Variants in LSM14B observed in about 807,000 individuals in gnomAD.
LSM14B encodes LSM family member 14B, also known as protein LSM14 homolog B.
In LSM14B, 8 loss-of-function variants were observed where a neutral mutation model predicts 42.1. That is an observed-to-expected ratio of 0.19 (90% CI 0.11 to 0.34). LSM14B has a LOEUF of 0.34. LSM14B is among the 10% of genes least tolerant of loss of function. The pLI, the probability that LSM14B is intolerant of heterozygous loss-of-function variation, is 1.00. For synonymous variants in LSM14B, 219 were observed against 209.7 expected (o/e 1.04, Z -0.38); for missense variants, 396 against 513.1 (o/e 0.77, Z 2.21).
chr20:62,129,983 C>T (rs1600937440), intron 4 of LSM14B, 31 bp downstream of exon 4: 1 of 1,577,618 alleles, frequency 6.3e-7, no homozygotes, highest in Non-Finnish European at 8.6e-7. Flanking sequence ...CTGGAGTTTG[C>T]TTGATGTTCT....
chr20:62,134,218 CGCT>C lies in LSM14B; in HGVS notation c.*73_*75del. ...TGTGTGTGTCAGGACGCGAGGAAAA[CGCT>C]GCACTTACAGGGAGAGGTGGTCACT... On this transcript the variant is annotated 3_prime_UTR_variant, in exon 9 of 9. Coordinates refer to ENST00000279068, the MANE Select transcript of LSM14B (RefSeq NM_144703.3). 2.1e-6 allele frequency: 1 copy of C among 471,404 alleles called. No homozygotes were observed. Among genetic ancestry groups the C allele is most frequent in the South Asian group, 1.6e-5 (1 of 64,484 alleles). The allele number at this position is 471,404 out of a possible 1,614,324, so 29.2% of individuals were successfully genotyped here.
In LSM14B at chr20:62,134,254, C is replaced by T. The variant is rs1440723304; in HGVS notation, c.*106C>T. On this transcript the variant is annotated 3_prime_UTR_variant, in exon 9 of 9. Transcript: ENST00000279068. ...CAGGGAGAGGTGGTCACTTTGTTTACGGAGTTTGGAAGAGACCCATACTGC... is the reference window on the plus strand; with the variant it reads ...CAGGGAGAGGTGGTCACTTTGTTTATGGAGTTTGGAAGAGACCCATACTGC... The T allele has an allele frequency of 1.1e-5, 5 of 471,660 alleles. No homozygotes were observed. Among genetic ancestry groups the T allele is most frequent in the Admixed American group, 7.0e-5 (3 of 42,554 alleles). The allele number at this position is 471,660 out of a possible 1,614,324, so 29.2% of individuals were successfully genotyped here. A position where few individuals can be genotyped will look rare whatever the true frequency, so the allele number is the denominator to read the frequency against.
At position 62,131,421 on chromosome 20, in the gene LSM14B, G is replaced by T. The variant is rs201083180; in HGVS notation, c.901G>T (p.Ala301Ser). The T allele has an allele frequency of 4.3e-6, 7 of 1,613,640 alleles. No homozygotes were observed. The highest frequency in any genetic ancestry group is 5.1e-6 in the Non-Finnish European group (6 of 1,179,776). ...AVVTQSAEAP[A>S]EEDLLGPNCY... is the part of the protein sequence containing the mutation. ...GGTGACCCAGAGTGCCGAAGCGCCC[G>T]CTGAGGAAGACCTTCTGGGGCCCAA... is the stretch of plus-strand genomic sequence containing the variant. The change falls in exon 7 of 9, where the codon GCT (alanine) becomes TCT (serine). Residue 301 changes from alanine to serine, a missense_variant. Physicochemically the swap from Ala to Ser is moderately conservative, Grantham distance 99 (BLOSUM62 1). Coordinates refer to ENST00000279068, the MANE Select transcript of LSM14B (RefSeq NM_144703.3).
At chr20:62,131,190 G>A (rs921868337) in intron 6 of LSM14B, among the ~76,000 whole-genome samples, 166 bp from the exon 7 acceptor site, 4 of 152,214 alleles carry the variant, frequency 2.6e-5, no homozygotes, top group Non-Finnish European at 5.9e-5. Context: ...ACGGCAGAAC[G>A]AGACCTGTAC....
intron 3 of LSM14B, among the ~76,000 whole-genome samples, chr20:62,128,244 G>A (rs1386728226): frequency 1.3e-5 from 2 of 152,198 alleles, no homozygotes. Flanking sequence ...GCACCTGTGG[G>A]GTTTCTAGAT....
chr20:62,127,227 T>TA (rs2056633184), intron 3 of LSM14B, among the ~76,000 whole-genome samples: 1 of 152,178 alleles, frequency 6.6e-6, no homozygotes, highest in African/African-American at 2.4e-5. Flanking sequence ...TCTCCATATG[T>TA]AGAGAAAGAT....
chr20:62,130,203 C>T lies in LSM14B; in HGVS notation c.596-16C>T. 1 of 1,584,834 alleles carries T rather than the reference C, an allele frequency of 6.3e-7. No individual in the cohort carries two copies. The highest frequency in any genetic ancestry group is 1.2e-5 in the South Asian group (1 of 86,692). On this transcript the variant is annotated splice_polypyrimidine_tract_variant and intron_variant, in intron 4 of 8. Coordinates refer to ENST00000279068, the MANE Select transcript of LSM14B (RefSeq NM_144703.3). The surrounding 1 kb of genome is among the most constrained non-coding windows in gnomAD (Gnocchi z 4.1). Reference sequence around the variant, plus strand: ...GCTATAGGAGCTTTGCCTTACTCTTCCCTTTTGCGCCGTAGATGTAGTCCA... The same window carrying T: ...GCTATAGGAGCTTTGCCTTACTCTTTCCTTTTGCGCCGTAGATGTAGTCCA...
chr20:62,124,574 T>A, intron 1 of LSM14B, 43 bp from the exon 2 acceptor site: 2 of 1,593,304 alleles, frequency 1.3e-6, no homozygotes, highest in South Asian at 2.2e-5. Flanking sequence ...TTGATTGAAC[T>A]GGCTGAGGAC....
chr20:62,123,215 A>AGCCTCGAGGTCGGGTGGCGGGGCC (rs2056462440), intron 1 of LSM14B: 1 of 152,342 alleles, frequency 6.6e-6, no homozygotes, highest in Admixed American at 6.5e-5. Flanking sequence ...CCTGCGGGGG[A>AGCCTCGAGGTCGGGTGGCGGGGCC]GCCTCGAGGT....
chr20:62,133,355 G>C lies in LSM14B; in HGVS notation c.1052G>C (p.Arg351Thr). 1 of 1,613,560 alleles carries C rather than the reference G, an allele frequency of 6.2e-7. No homozygotes were observed. Among genetic ancestry groups the C allele is most frequent in the Non-Finnish European group, 8.5e-7 (1 of 1,179,654 alleles). Residue 351 changes from arginine to threonine, a missense_variant, in exon 8 of 9, where the codon AGG becomes ACG. Coordinates refer to ENST00000279068, the MANE Select transcript of LSM14B (RefSeq NM_144703.3). ...ACAGAGACCTTTGGGGTGTCAGGGA[G>C]GTTTCTTCGTGGCCGCAGTTCTCGG... ...LNTETFGVSG[R>T]FLRGRSSRGG...
At position 62,124,742 on chromosome 20, in the gene LSM14B, G is replaced by A. The variant is rs2056533651; in HGVS notation, c.253G>A (p.Ala85Thr). 1.2e-6 allele frequency: 2 copies of A among 1,613,816 alleles called. No individual in the cohort carries two copies. The highest frequency in any genetic ancestry group is 2.7e-5 in the African/African-American group (2 of 75,048). ...TATCACTGTGTGTGAACCTCCGAAA[G>A]CTCAGCACACACTCCCGCAGGATCC... ...KDITVCEPPK[A>T]QHTLPQDPAI... The change falls in exon 2 of 9, where the codon GCT (alanine) becomes ACT (threonine). Residue 85 changes from alanine to threonine, a missense_variant. Physicochemically the swap from Ala to Thr is moderately conservative, Grantham distance 58. This residue lies in a region of LSM14B where 274 missense variants were observed against 335.8 expected (regional missense o/e 0.82). Coordinates refer to ENST00000279068, the MANE Select transcript of LSM14B (RefSeq NM_144703.3).
At position 62,135,300 on chromosome 20, in the gene LSM14B, T is replaced by C. The variant is rs966593502; in HGVS notation, c.*1152T>C. ...TTTGTAGGACTTAATGGCTAAGAATTAGAACATAGCAAGGGGGCTCCTCTG... is the reference window on the plus strand; with the variant it reads ...TTTGTAGGACTTAATGGCTAAGAATCAGAACATAGCAAGGGGGCTCCTCTG... On this transcript the variant is annotated 3_prime_UTR_variant, in exon 9 of 9. Coordinates refer to ENST00000279068, the MANE Select transcript of LSM14B (RefSeq NM_144703.3). The C allele has an allele frequency of 5.9e-5, 9 of 152,218 alleles. No individual in the cohort carries two copies. Among genetic ancestry groups the C allele is most frequent in the Non-Finnish European group, 1.2e-4 (8 of 68,034 alleles). The allele number at this position is 152,218 out of a possible 1,614,324, so 9.4% of individuals were successfully genotyped here.
intron 1 of LSM14B, among the ~76,000 whole-genome samples, chr20:62,124,207 T>C (rs1038979504): frequency 6.6e-6 from 1 of 152,254 alleles, no homozygotes; most frequent in Admixed American, 6.5e-5. Flanking sequence ...GTGAGAAAAC[T>C]GCCTCCTCAG....
rs747417630 is a variant in LSM14B at position 62,129,745 on chromosome 20, TTCTC to T, written c.428-36_428-33del. 3.9e-6 allele frequency: 6 copies of T among 1,551,140 alleles called. No individual in the cohort carries two copies. In the African/African-American group the frequency reaches 4.1e-5, roughly 11 times the overall value. On this transcript the variant is annotated intron_variant, in intron 3 of 8. Coordinates refer to ENST00000279068, the MANE Select transcript of LSM14B (RefSeq NM_144703.3). ...CCTGGAGATATAAGGCTTGCTTCTT[TTCTC>T]TCTGTTTTTAAACCCTCCTCCCCTC...
chr20:62,132,075 G>T (rs1301449993), intron 7 of LSM14B, among the ~76,000 whole-genome samples: 4 of 152,258 alleles, frequency 2.6e-5, no homozygotes. Flanking sequence ...CGCCAGACAT[G>T]CCGCGGGGCG....
chr20:62,126,092 A>G (rs1568704977), intron 2 of LSM14B: 1 of 650,976 alleles, frequency 1.5e-6, no homozygotes, highest in East Asian at 2.7e-5. Flanking sequence ...CAAAAAAAGG[A>G]ATTACATGGA....
At chr20:62,124,164 A>G (rs986923860) in intron 1 of LSM14B, among the ~76,000 whole-genome samples, 1 of 152,168 alleles carries the variant, frequency 6.6e-6, no homozygotes, top group Non-Finnish European at 1.5e-5. Flanking sequence ...TTATGGATAG[A>G]AGGGTAAGGG....
intron 2 of LSM14B, among the ~76,000 whole-genome samples, chr20:62,125,383 A>G (rs2056563051): frequency 6.6e-6 from 1 of 152,128 alleles, no homozygotes; most frequent in East Asian, 1.9e-4. Flanking sequence ...TGGACCTGTG[A>G]TGTTTCGGGC....
At chr20:62,126,507 C>A in intron 3 of LSM14B, 68 bp downstream of exon 3, 12 of 1,565,644 alleles carry the variant, frequency 7.7e-6, no homozygotes, top group Non-Finnish European at 9.5e-6. Flanking sequence ...AGCGATGGAG[C>A]CTGAGGGTGG....
Sources: allele counts gnomAD v4.1 joint callset (sites outside exome capture counted in the v4.1 genomes callset), GRCh38; gene constraint gnomAD v4.1.1; regional missense constraint gnomAD v4.1.1; non-coding constraint Gnocchi (gnomAD v3.1); transcripts MANE v1.5; gene names NCBI Gene and HGNC (gene_info 2026-07-23, HGNC 2026-07-21).